The following TLE1 variants were observed in gnomAD, a reference collection of about 807,000 sequenced individuals.
The protein encoded by TLE1 is TLE family member 1, transcriptional corepressor, also known as transducin-like enhancer protein 1.
TLE1 carries 21 observed loss-of-function variants against 89.8 expected under a neutral mutation model. That is an observed-to-expected ratio of 0.23 (90% CI 0.17 to 0.34). The LOEUF (loss-of-function observed/expected upper bound fraction) is 0.34, where lower values mean the gene tolerates loss of function less well. Among genes scored for constraint, TLE1 ranks in the 10% least tolerant of loss-of-function variants. The probability of loss-of-function intolerance (pLI) is 1.00; values close to 1 mark genes in which losing one functional copy is unlikely to be tolerated. For synonymous variants in TLE1, 447 were observed against 407.6 expected, an observed-to-expected ratio of 1.10 and a Z score of -1.16; for missense variants, 795 against 1,031.2, an observed-to-expected ratio of 0.77 and a Z score of 3.14.
At chr9:81,598,018 A>G (rs938973928) in intron 14 of TLE1, among the ~76,000 whole-genome samples, 1 of 152,170 alleles carries the variant, frequency 6.6e-6, no homozygotes, top group Non-Finnish European at 1.5e-5. Flanking sequence ...AATCAAGTAA[A>G]CAATAATGAA....
At chr9:81,675,807 T>C (rs1564071510) in intron 4 of TLE1, among the ~76,000 whole-genome samples, 1 of 150,998 alleles carries the variant, frequency 6.6e-6, no homozygotes, top group Non-Finnish European at 1.5e-5. Context: ...TTCAAGTGAT[T>C]TTCCTGCCTC....
At chr9:81,592,129 C>T (rs1829618967) in intron 15 of TLE1, among the ~76,000 whole-genome samples, 2 of 152,168 alleles carry the variant, frequency 1.3e-5, no homozygotes, top group Admixed American at 6.5e-5. Context: ...AAGGCCAAGG[C>T]GGGCGGATCA....
rs576773160 is a variant in TLE1 at position 81,592,240 on chromosome 9, C to A, written c.1581+785G>T. Among the ~76,000 whole-genome samples the A allele has an allele frequency of 2.6e-5, 4 of 152,170 alleles. No homozygotes were observed. The East Asian group carries it at 7.7e-4, about 29-fold the overall frequency. ...GGGCGTGGTGGTGGGCGCCCGTAGT[C>A]CCAGCTACTTGGGAGGCTGAGGCAG... is the stretch of plus-strand genomic sequence containing the variant. On this transcript the variant is annotated intron_variant, in intron 15 of 19. Transcript: ENST00000376499.
chr9:81,609,588 C>A (rs1823441830), intron 14 of TLE1, among the ~76,000 whole-genome samples: 1 of 152,064 alleles, frequency 6.6e-6, no homozygotes, highest in Non-Finnish European at 1.5e-5. Context: ...AATTCCAATT[C>A]TTTTGTGCAC....
At chr9:81,676,074 C>G (rs926361517) in intron 4 of TLE1, among the ~76,000 whole-genome samples, 4 of 152,076 alleles carry the variant, frequency 2.6e-5, no homozygotes, top group Non-Finnish European at 5.9e-5. Flanking sequence ...GAGATGCACA[C>G]AAACAGCCAA....
chr9:81,625,072 A>C (rs1278634606), intron 8 of TLE1, among the ~76,000 whole-genome samples: 1 of 152,182 alleles, frequency 6.6e-6, no homozygotes, highest in East Asian at 1.9e-4. Context: ...GGGTCCAAAA[A>C]TGGGCAGAAC....
chr9:81,672,038 C>T (rs1270368842), intron 4 of TLE1, among the ~76,000 whole-genome samples: 4 of 152,150 alleles, frequency 2.6e-5, no homozygotes, highest in Non-Finnish European at 2.9e-5. Flanking sequence ...GAACCTAGTG[C>T]TTCCCCTACA....
Position 81,675,703 on chromosome 9 carries a change from T to TTTG in TLE1, c.234+9972_234+9973insCAA, listed in dbSNP as rs1347547618. Reference sequence around the variant, plus strand: ...TAGCATAAGGACTCACACTAGTTTTTTTTTGTTTTTTTTTTTGAGACGGAG... The same window carrying TTTG: ...TAGCATAAGGACTCACACTAGTTTTTTTGTTTTGTTTTTTTTTTTGAGACGGAG... On this transcript the variant is annotated intron_variant, in intron 4 of 19. Transcript: ENST00000376499. 1.1e-3 allele frequency among the ~76,000 whole-genome samples: 151 copies of TTTG among 141,006 alleles called. 4 individuals are homozygous for TTTG. Among genetic ancestry groups the TTTG allele is most frequent in the African/African-American group, 4.1e-3 (145 of 35,018 alleles). 92.5% of individuals were successfully genotyped at this position (141,006 alleles called of 152,430 possible).
chr9:81,588,097 T>C (rs1332030814), intron 16 of TLE1, among the ~76,000 whole-genome samples: 1 of 152,166 alleles, frequency 6.6e-6, no homozygotes, highest in Non-Finnish European at 1.5e-5. Flanking sequence ...AGAACTTAAA[T>C]ATGCTACTCT....
intron 9 of TLE1, among the ~76,000 whole-genome samples, chr9:81,619,426 T>G (rs1415778551): frequency 1.3e-5 from 2 of 152,274 alleles, no homozygotes; most frequent in East Asian, 3.9e-4. Flanking sequence ...TTATAAGAGT[T>G]AAATGAAATA....
intron 8 of TLE1, among the ~76,000 whole-genome samples, chr9:81,625,043 A>C (rs984632243): frequency 4.6e-5 from 7 of 152,192 alleles, no homozygotes; most frequent in Non-Finnish European, 1.0e-4. Flanking sequence ...TAGAATGCTC[A>C]GTATCAGAAA....
intron 14 of TLE1, among the ~76,000 whole-genome samples, chr9:81,595,590 G>T (rs150980614): frequency 6.6e-6 from 1 of 152,042 alleles, no homozygotes; most frequent in Non-Finnish European, 1.5e-5. Flanking sequence ...AGGCCAAGGC[G>T]GGCGGATCAC....
chr9:81,620,070 A>G lies in TLE1; in HGVS notation c.711+371T>C, dbSNP rs1160540959. Among the ~76,000 whole-genome samples, 119 of 152,220 alleles carry G rather than the reference A, an allele frequency of 7.8e-4. 1 individual carries two copies. Among genetic ancestry groups the G allele is most frequent in the Non-Finnish European group, 4.4e-5 (3 of 68,046 alleles). On this transcript the variant is annotated intron_variant, in intron 9 of 19. Coordinates refer to ENST00000376499, the MANE Select transcript of TLE1 (RefSeq NM_005077.5). ...GAGTCCAGGACAAAATGAAAAATGC[A>G]GAGACCTTATTCAAAAATTGAGAAC...
chr9:81,689,106 G>C lies in TLE1; in HGVS notation c.-866C>G, dbSNP rs938554763. The C allele has an allele frequency of 6.6e-6, 1 of 152,252 alleles. No individual in the cohort carries two copies. Among genetic ancestry groups the C allele is most frequent in the Admixed American group, 6.5e-5 (1 of 15,288 alleles). The allele number at this position is 152,252 out of a possible 1,614,324, so 9.4% of individuals were successfully genotyped here. A position where few individuals can be genotyped will look rare whatever the true frequency, so the allele number is the denominator to read the frequency against. On this transcript the variant is annotated 5_prime_UTR_variant, in exon 1 of 20. Coordinates refer to ENST00000376499, the MANE Select transcript of TLE1 (RefSeq NM_005077.5). ...CGCACTCGCCCTGCACGGCCGGACC[G>C]GCCGCTCCGGACCCTTCTTCCGAGC...
intron 15 of TLE1, 121 bp from the exon 16 acceptor site, chr9:81,591,173 G>T: frequency 1.5e-6 from 2 of 1,322,492 alleles, no homozygotes; most frequent in African/African-American, 1.5e-5. Context: ...CTCTAACAGA[G>T]CAAGAGTTCT....
At chr9:81,585,438 ATTT>A (rs1828259371) in intron 18 of TLE1, 64 bp downstream of exon 18, 15 of 1,572,360 alleles carry the variant, frequency 9.5e-6, no homozygotes, top group Non-Finnish European at 1.1e-5. Context: ...TCTCTACCAT[ATTT>A]TTTTAAGAAG....
At position 81,634,321 on chromosome 9, in the gene TLE1, G is replaced by C. The variant is rs1189405365; in HGVS notation, c.373-20C>G. Reference sequence around the variant, plus strand: ...CTGCTGCTGTTGGTGGTGGTGGTGAGAGAGAAAAAGGAGGAGGAGGAGGAG... The same window carrying C: ...CTGCTGCTGTTGGTGGTGGTGGTGACAGAGAAAAAGGAGGAGGAGGAGGAG... On this transcript the variant is annotated intron_variant, in intron 6 of 19. Coordinates refer to ENST00000376499, the MANE Select transcript of TLE1 (RefSeq NM_005077.5). 1 of 1,470,376 alleles carries C rather than the reference G, an allele frequency of 6.8e-7. No homozygotes were observed. The highest frequency in any genetic ancestry group is 1.4e-5 in the South Asian group (1 of 71,110). 91.1% of individuals were successfully genotyped at this position (1,470,376 alleles called of 1,614,324 possible).
intron 4 of TLE1, among the ~76,000 whole-genome samples, chr9:81,676,696 A>C (rs1474311038): frequency 6.6e-6 from 1 of 152,152 alleles, no homozygotes; most frequent in East Asian, 1.9e-4. Context: ...ACACACATGC[A>C]GGATAGGATG....
intron 2 of TLE1, among the ~76,000 whole-genome samples, 177 bp from the exon 3 acceptor site, chr9:81,686,073 C>T (rs1363956055): frequency 6.6e-6 from 1 of 152,142 alleles, no homozygotes; most frequent in African/African-American, 2.4e-5. Flanking sequence ...ATAATGTGAA[C>T]AATACAAGGT....
Sources: allele counts gnomAD v4.1 joint callset (sites outside exome capture counted in the v4.1 genomes callset), GRCh38; gene constraint gnomAD v4.1.1; transcripts MANE v1.5; gene names NCBI Gene and HGNC (gene_info 2026-07-23, HGNC 2026-07-21).